The following AGMO variants were observed in gnomAD, a reference collection of about 807,000 sequenced individuals.
The protein encoded by AGMO is alkylglycerol monooxygenase, also known as glyceryl-ether monooxygenase.
AGMO carries 75 observed loss-of-function variants against 60.2 expected under a neutral mutation model. The observed-to-expected ratio is 1.25, with a 90% CI of 1.03 to 1.51. AGMO has a LOEUF of 1.51. Among genes scored for constraint, AGMO ranks in the 40% most tolerant of loss-of-function variants. AGMO has a pLI of 0.00. For missense variants in AGMO, 763 were observed against 525.5 expected (o/e 1.45, Z -4.42); for synonymous variants, 261 against 177.1 (o/e 1.47, Z -3.76).
the AGMO span, among the ~76,000 whole-genome samples, chr7:15,173,934 A>G: frequency 2.8e-4 from 42 of 151,924 alleles, no homozygotes; most frequent in Non-Finnish European, 5.6e-4. Context: ...TATTTTTAAA[A>G]TTTTACAAAT....
chr7:15,419,894 A>T (rs1258267122), intron 4 of AGMO, among the ~76,000 whole-genome samples: 1 of 152,048 alleles, frequency 6.6e-6, no homozygotes, highest in African/African-American at 2.4e-5. Context: ...TTGTTCCAAA[A>T]GATCTGTGAT....
the AGMO span, among the ~76,000 whole-genome samples, chr7:15,162,127 C>G: frequency 6.6e-6 from 1 of 152,026 alleles, no homozygotes; most frequent in African/African-American, 2.4e-5. Flanking sequence ...TTGGCTCTCT[C>G]CTGCTGCCAT....
chr7:15,278,749 G>C (rs1239806769), intron 12 of AGMO, among the ~76,000 whole-genome samples: 1 of 152,240 alleles, frequency 6.6e-6, no homozygotes, highest in East Asian at 1.9e-4. Context: ...GTCCAGGGCA[G>C]CCGGGGCAGT....
At chr7:15,207,503 T>C (rs1441051745) in intron 12 of AGMO, among the ~76,000 whole-genome samples, 2 of 152,248 alleles carry the variant, frequency 1.3e-5, no homozygotes, top group East Asian at 3.8e-4. Flanking sequence ...CTATTTACAT[T>C]GTTTTCCTGG....
chr7:15,209,211 C>T (rs1027205598), intron 12 of AGMO, among the ~76,000 whole-genome samples: 5 of 152,106 alleles, frequency 3.3e-5, no homozygotes, highest in Admixed American at 3.3e-4. Context: ...GAGTCTAAGG[C>T]ATCTCACATG....
intron 5 of AGMO, among the ~76,000 whole-genome samples, chr7:15,410,395 A>C (rs73066588): frequency 0.16 from 24,334 of 151,754 alleles, 2,045 homozygotes; most frequent in Non-Finnish European, 0.2. Flanking sequence ...AATAAATAAC[A>C]AAAAAACCCT....
chr7:15,322,907 T>A (rs1456482561), intron 12 of AGMO, among the ~76,000 whole-genome samples: 11 of 146,466 alleles, frequency 7.5e-5, no homozygotes, highest in Admixed American at 7.0e-4. Context: ...AAAAAATATA[T>A]ATATACACAT....
chr7:15,522,785 G>A (rs1206713855), intron 3 of AGMO, among the ~76,000 whole-genome samples: 2 of 151,832 alleles, frequency 1.3e-5, no homozygotes, highest in African/African-American at 2.4e-5. Flanking sequence ...CATAGGCATG[G>A]GCAAATACTT....
intron 5 of AGMO, among the ~76,000 whole-genome samples, chr7:15,406,880 C>G (rs2128491258): frequency 8.3e-6 from 1 of 120,162 alleles, no homozygotes; most frequent in East Asian, 2.2e-4. Context: ...GACAACGGTG[C>G]CAGTTCAGGT....
At chr7:15,301,467 A>C (rs1784557674) in intron 12 of AGMO, among the ~76,000 whole-genome samples, 1 of 152,054 alleles carries the variant, frequency 6.6e-6, no homozygotes. Context: ...CAAATGCTGA[A>C]TATGTTCTCA....
chr7:15,513,802 T>C (rs950296939), intron 3 of AGMO, among the ~76,000 whole-genome samples: 1 of 152,218 alleles, frequency 6.6e-6, no homozygotes, highest in Admixed American at 6.5e-5. Context: ...GGAATCTCTC[T>C]TCAGTATTTG....
the AGMO span, among the ~76,000 whole-genome samples, chr7:15,193,603 A>T: frequency 6.6e-6 from 1 of 152,250 alleles, no homozygotes; most frequent in African/African-American, 2.4e-5. Flanking sequence ...GATCAATTTC[A>T]ATATCTCCCT....
chr7:15,267,054 T>A (rs192105552), intron 12 of AGMO, among the ~76,000 whole-genome samples: 146 of 152,134 alleles, frequency 9.6e-4, no homozygotes, highest in Admixed American at 2.6e-3. Flanking sequence ...TTATTTGACC[T>A]TCTTATGAAA....
At chr7:15,313,129 C>A (rs936894543) in intron 12 of AGMO, among the ~76,000 whole-genome samples, 1 of 152,060 alleles carries the variant, frequency 6.6e-6, no homozygotes, top group Admixed American at 6.6e-5. Context: ...TCTTGTGAGG[C>A]TAAAAATGAA....
intron 12 of AGMO, among the ~76,000 whole-genome samples, chr7:15,316,229 T>C (rs1338150118): frequency 6.6e-6 from 1 of 152,180 alleles, no homozygotes. Context: ...TTGAAGAGAC[T>C]AGGCAACATC....
chr7:15,274,964 A>G (rs1172787566), intron 12 of AGMO, among the ~76,000 whole-genome samples: 1 of 151,478 alleles, frequency 6.6e-6, no homozygotes, highest in African/African-American at 2.4e-5. Context: ...TTAGTGGCCT[A>G]TCGATTTTTT....
At chr7:15,342,303 G>A (rs755102353) in intron 12 of AGMO, among the ~76,000 whole-genome samples, 4 of 151,614 alleles carry the variant, frequency 2.6e-5, no homozygotes, top group Non-Finnish European at 5.9e-5. Flanking sequence ...CTGCAAGTGT[G>A]CAATGCTGTG....
chr7:15,174,070 G>T, the AGMO span, among the ~76,000 whole-genome samples: 4 of 151,832 alleles, frequency 2.6e-5, no homozygotes, highest in African/African-American at 9.7e-5. Context: ...AAAATATTGG[G>T]AACACATGTT....
chr7:15,432,369 C>CACATATATATATATAT (rs141888494), intron 3 of AGMO, among the ~76,000 whole-genome samples: 1 of 50,696 alleles, frequency 2.0e-5, no homozygotes, highest in Non-Finnish European at 5.2e-5. Context: ...TATACACACA[C>CACATATATATATATAT]ATATATATAT....
Sources: allele counts gnomAD v4.1 joint callset (sites outside exome capture counted in the v4.1 genomes callset), GRCh38; gene constraint gnomAD v4.1.1; transcripts MANE v1.5; gene names NCBI Gene and HGNC (gene_info 2026-07-23, HGNC 2026-07-21).